The following ADAMTS12 variants were observed in gnomAD, a reference collection of about 807,000 sequenced individuals.
ADAMTS12 encodes the protein A disintegrin and metalloproteinase with thrombospondin motifs 12.
A neutral mutation model predicts 167.8 loss-of-function variants in ADAMTS12; 118 were observed. The ratio of observed to expected loss-of-function variants is 0.70; its 90% CI spans 0.61 to 0.82. ADAMTS12 has a LOEUF of 0.82. ADAMTS12 is among the 40% of genes least tolerant of loss of function. The pLI is 0.00. For synonymous variants in ADAMTS12, 704 were observed against 716.9 expected (o/e 0.98, Z 0.29); for missense variants, 1,916 against 1,998.8 (o/e 0.96, Z 0.79).
At chr5:33,761,061 G>A (rs1476660123) in intron 2 of ADAMTS12, among the ~76,000 whole-genome samples, 1 of 152,230 alleles carries the variant, frequency 6.6e-6, no homozygotes, top group Non-Finnish European at 1.5e-5. Flanking sequence ...AGAACAATGG[G>A]AGAGAACCTG....
chr5:33,558,224 C>T (rs187002701), intron 20 of ADAMTS12, among the ~76,000 whole-genome samples: 170 of 152,150 alleles, frequency 1.1e-3, no homozygotes, highest in Non-Finnish European at 2.0e-3. Context: ...AGGTTAGGGA[C>T]TGCTGATGTA....
At chr5:33,796,132 T>G (rs1746767457) in intron 2 of ADAMTS12, among the ~76,000 whole-genome samples, 1 of 152,196 alleles carries the variant, frequency 6.6e-6, no homozygotes, top group Admixed American at 6.5e-5. Context: ...ATACGTACTG[T>G]GGATATGCTG....
At chr5:33,569,883 A>G (rs1746223430) in intron 19 of ADAMTS12, among the ~76,000 whole-genome samples, 1 of 152,242 alleles carries the variant, frequency 6.6e-6, no homozygotes, top group Admixed American at 6.5e-5. Flanking sequence ...AGAATAACCA[A>G]TATAGAGAAG....
At chr5:33,888,823 G>C (rs1750739751) in intron 1 of ADAMTS12, among the ~76,000 whole-genome samples, 1 of 152,236 alleles carries the variant, frequency 6.6e-6, no homozygotes, top group African/African-American at 2.4e-5. Context: ...TGTGAACCAA[G>C]AAATCCTGTG....
intron 2 of ADAMTS12, among the ~76,000 whole-genome samples, chr5:33,800,828 G>A (rs758380313): frequency 3.3e-4 from 50 of 152,260 alleles, no homozygotes; most frequent in Middle Eastern, 3.4e-3. Flanking sequence ...CAGAGATGTG[G>A]TTGCTTGAAT....
At chr5:33,613,466 C>A (rs1024662861) in intron 16 of ADAMTS12, among the ~76,000 whole-genome samples, 1 of 152,166 alleles carries the variant, frequency 6.6e-6, no homozygotes, top group East Asian at 1.9e-4. Context: ...TGACTAACGC[C>A]AACCAACGAG....
In ADAMTS12 at chr5:33,736,727, AT is replaced by A. The variant is rs1379499616; in HGVS notation, c.634+14676del. Among the ~76,000 whole-genome samples, 5 of 152,322 alleles carry A rather than the reference AT, an allele frequency of 3.3e-5. No homozygotes were observed. In the East Asian group the frequency reaches 9.7e-4, roughly 29 times the overall value. ...ACACACATTATGAAACATGTGAAGA[AT>A]TCCCTGTGTTATTCCAGTTATAGGG... On this transcript the variant is annotated intron_variant, in intron 3 of 23. Transcript: ENST00000504830.
chr5:33,883,895 A>G (rs1288935324), intron 1 of ADAMTS12, among the ~76,000 whole-genome samples: 1 of 152,188 alleles, frequency 6.6e-6, no homozygotes, highest in Non-Finnish European at 1.5e-5. Flanking sequence ...CCAGGTCTAG[A>G]CCTACCAAAG....
At chr5:33,655,660 C>T (rs370749953) in intron 7 of ADAMTS12, among the ~76,000 whole-genome samples, 1 of 62,636 alleles carries the variant, frequency 1.6e-5, no homozygotes, top group Non-Finnish European at 3.6e-5. Flanking sequence ...TTTAATTTTA[C>T]TTTAAGTTCT....
chr5:33,647,818 G>A (rs1222578287), intron 9 of ADAMTS12, among the ~76,000 whole-genome samples: 1 of 152,162 alleles, frequency 6.6e-6, no homozygotes, highest in East Asian at 1.9e-4. Flanking sequence ...GAGGATTTTT[G>A]TATCAACTTT....
chr5:33,538,795 T>C (rs977623830), intron 22 of ADAMTS12, among the ~76,000 whole-genome samples: 1 of 152,182 alleles, frequency 6.6e-6, no homozygotes, highest in African/African-American at 2.4e-5. Context: ...CCTTCTTCTC[T>C]GCCTCCTTTC....
intron 6 of ADAMTS12, among the ~76,000 whole-genome samples, chr5:33,660,446 T>C (rs78885641): frequency 0.013 from 1,933 of 152,292 alleles, 44 homozygotes; most frequent in African/African-American, 0.044. Flanking sequence ...GCTGTTCTAA[T>C]AGACATAGCA....
intron 11 of ADAMTS12, among the ~76,000 whole-genome samples, chr5:33,639,363 A>G (rs1740348974): frequency 6.6e-6 from 1 of 152,208 alleles, no homozygotes; most frequent in African/African-American, 2.4e-5. Context: ...AAAATGAGCT[A>G]TATAAGAAAT....
rs1424080610 is a variant in ADAMTS12, at chr5:33,561,182, G to A, written c.3973-3C>T. 2 of 1,613,410 alleles carry A rather than the reference G, an allele frequency of 1.2e-6. No individual in the cohort carries two copies. Among genetic ancestry groups the A allele is most frequent in the East Asian group, 2.2e-5 (1 of 44,856 alleles). On this transcript the variant is annotated splice_polypyrimidine_tract_variant and splice_region_variant and intron_variant, in intron 19 of 23. Coordinates refer to ENST00000504830, the MANE Select transcript of ADAMTS12 (RefSeq NM_030955.4). ...CCCAGGCCACATGTGGTGGAGCACT[G>A]TAGCAGGGAAGGAGAGAGATGACAG...
Position 33,546,050 on chromosome 5 carries a change from A to G in ADAMTS12, c.4446+9T>C, listed in dbSNP as rs763771471. On this transcript the variant is annotated intron_variant, in intron 22 of 23. Coordinates refer to ENST00000504830, the MANE Select transcript of ADAMTS12 (RefSeq NM_030955.4). ...TAAAGTAAAAAAAGTATGTATAACC[A>G]AGTCTTACCAGGTCCCAGTTCCCAG... 9 of 1,599,866 alleles carry G rather than the reference A, an allele frequency of 5.6e-6. No individual in the cohort carries two copies. In the Admixed American group the frequency reaches 1.4e-4, roughly 25 times the overall value.
At chr5:33,868,425 A>C (rs550926457) in intron 2 of ADAMTS12, among the ~76,000 whole-genome samples, 1 of 152,350 alleles carries the variant, frequency 6.6e-6, no homozygotes, top group Non-Finnish European at 1.5e-5. Flanking sequence ...ATAGAAGTCC[A>C]GGCTAAGGTG....
intron 7 of ADAMTS12, among the ~76,000 whole-genome samples, chr5:33,651,752 G>C (rs1740875029): frequency 6.6e-6 from 1 of 152,150 alleles, no homozygotes; most frequent in Non-Finnish European, 1.5e-5. Flanking sequence ...CCCAAATGGT[G>C]AACGTTGTAC....
At chr5:33,617,045 T>A (rs928153967) in intron 14 of ADAMTS12, among the ~76,000 whole-genome samples, 1 of 152,336 alleles carries the variant, frequency 6.6e-6, no homozygotes, top group Admixed American at 6.5e-5. Flanking sequence ...AAGACTTGCA[T>A]TCTAGTCTCT....
At chr5:33,727,888 A>G (rs931198341) in intron 3 of ADAMTS12, among the ~76,000 whole-genome samples, 10 of 152,086 alleles carry the variant, frequency 6.6e-5, no homozygotes, top group Admixed American at 3.3e-4. Context: ...TTCTTTACCA[A>G]TGTTCCCATG....
Sources: allele counts gnomAD v4.1 joint callset (sites outside exome capture counted in the v4.1 genomes callset), GRCh38; gene constraint gnomAD v4.1.1; transcripts MANE v1.5; gene names NCBI Gene and HGNC (gene_info 2026-07-23, HGNC 2026-07-21).